The following EYS variants were observed in gnomAD, a reference collection of about 807,000 sequenced individuals.
EYS encodes the protein EGF-like photoreceptor maintenance factor.
A neutral mutation model predicts 282.1 loss-of-function variants in EYS; 250 were observed. The ratio of observed to expected loss-of-function variants is 0.89; its 90% confidence interval spans 0.80 to 0.98. The LOEUF is 0.98. Among genes scored for constraint, EYS ranks in the 50% least tolerant of loss-of-function variants. EYS has a pLI of 0.00. For missense variants in EYS, 4,016 were observed against 3,709.0 expected, an observed-to-expected ratio of 1.08 and a Z score of -2.15; for synonymous variants, 1,355 against 1,282.9, an observed-to-expected ratio of 1.06 and a Z score of -1.20.
intron 13 of EYS, among the ~76,000 whole-genome samples, chr6:65,027,018 G>A (rs1402308655): frequency 1.5e-5 from 2 of 132,612 alleles, no homozygotes; most frequent in East Asian, 4.5e-4. Flanking sequence ...TATTTGTAAT[G>A]TGTGTTTTTT....
intron 31 of EYS, among the ~76,000 whole-genome samples, chr6:64,172,979 G>A (rs1764527242): frequency 6.6e-6 from 1 of 152,048 alleles, no homozygotes; most frequent in African/African-American, 2.4e-5. Flanking sequence ...AAAAAGTTTG[G>A]GATCGCTGCT....
chr6:65,481,541 GTTGTTTGTT>G (rs1235605104), intron 5 of EYS, among the ~76,000 whole-genome samples: 3 of 151,962 alleles, frequency 2.0e-5, no homozygotes, highest in South Asian at 4.2e-4. Context: ...TTTTTTGTTT[GTTGTTTGTT>G]TTGTTTGTTT....
intron 2 of EYS, among the ~76,000 whole-genome samples, chr6:65,536,765 C>T (rs1331559609): frequency 6.6e-6 from 1 of 152,050 alleles, no homozygotes; most frequent in African/African-American, 2.4e-5. Flanking sequence ...AAAGCATGCA[C>T]AACCCTTTGG....
rs550030878 is a variant in EYS at position 63,950,636 on chromosome 6, C to T, written c.7055+33747G>A. ...GATCAGGGGACCTCCCTTGGGAGAT[C>T]AATCCCCTGTCCTCCTGCTCTTTGC... On this transcript the variant is annotated intron_variant, in intron 35 of 42. Coordinates refer to ENST00000503581, the MANE Select transcript of EYS (RefSeq NM_001142800.2). 1.4e-4 allele frequency among the ~76,000 whole-genome samples: 21 copies of T among 152,278 alleles called. No individual in the cohort carries two copies. The South Asian group carries it at 3.9e-3, about 29-fold the overall frequency.
intron 22 of EYS, among the ~76,000 whole-genome samples, chr6:64,716,768 T>C (rs1032414903): frequency 6.6e-6 from 1 of 152,100 alleles, no homozygotes; most frequent in African/African-American, 2.4e-5. Context: ...ACGTTGATAT[T>C]TTTTTTTCTT....
At chr6:64,365,474 G>T (rs1772154902) in intron 29 of EYS, among the ~76,000 whole-genome samples, 1 of 151,808 alleles carries the variant, frequency 6.6e-6, no homozygotes, top group South Asian at 2.1e-4. Flanking sequence ...GGAAAATCAG[G>T]CCACTTTTAT....
At chr6:63,806,144 T>C (rs1293476270) in intron 37 of EYS, 46 bp downstream of exon 37, 2 of 1,472,232 alleles carry the variant, frequency 1.4e-6, no homozygotes, top group Non-Finnish European at 1.8e-6. Context: ...CTCTAAAGTA[T>C]TCTTAAAGGA....
intron 12 of EYS, among the ~76,000 whole-genome samples, chr6:65,134,000 T>C (rs1397095003): frequency 6.6e-6 from 1 of 151,952 alleles, no homozygotes; most frequent in Non-Finnish European, 1.5e-5. Context: ...CCAACAGGCA[T>C]ATAAAAAAAT....
chr6:65,502,384 C>T lies in EYS; in HGVS notation c.-332-6391G>A, dbSNP rs1294284437. Among the ~76,000 whole-genome samples, 6 of 151,518 alleles carry T rather than the reference C, an allele frequency of 4.0e-5. No individual in the cohort carries two copies. In the East Asian group the frequency reaches 1.2e-3, roughly 29 times the overall value. On this transcript the variant is annotated intron_variant, in intron 2 of 42. Coordinates refer to ENST00000503581, the MANE Select transcript of EYS (RefSeq NM_001142800.2). ...CTTTATTATATTAACTTTTTAAATACATATTTTGTTAAAAAAATTTAGTAG... is the reference window on the plus strand; with the variant it reads ...CTTTATTATATTAACTTTTTAAATATATATTTTGTTAAAAAAATTTAGTAG...
intron 31 of EYS, among the ~76,000 whole-genome samples, chr6:64,182,993 T>C (rs1013936404): frequency 6.6e-6 from 1 of 152,042 alleles, no homozygotes; most frequent in Non-Finnish European, 1.5e-5. Flanking sequence ...GTTCCCATAA[T>C]CCCAACATGT....
intron 8 of EYS, among the ~76,000 whole-genome samples, chr6:65,368,870 G>A (rs1004137412): frequency 1.3e-5 from 2 of 151,500 alleles, no homozygotes; most frequent in African/African-American, 4.8e-5. Context: ...ATATGTCCAC[G>A]AAAGAGAGAG....
intron 2 of EYS, among the ~76,000 whole-genome samples, chr6:65,520,262 C>T (rs1767316267): frequency 6.6e-6 from 1 of 152,010 alleles, no homozygotes; most frequent in African/African-American, 2.4e-5. Flanking sequence ...AGATAAGATA[C>T]AGAAATAATT....
intron 41 of EYS, among the ~76,000 whole-genome samples, chr6:63,760,146 C>T (rs1345464225): frequency 3.3e-5 from 5 of 151,982 alleles, no homozygotes; most frequent in Non-Finnish European, 7.4e-5. Context: ...AAAAAACTCA[C>T]ACATTATGGA....
At chr6:64,393,039 G>C (rs1392970226) in intron 28 of EYS, among the ~76,000 whole-genome samples, 8 of 152,150 alleles carry the variant, frequency 5.3e-5, no homozygotes, top group Admixed American at 5.2e-4. Context: ...AGAAGAAATG[G>C]ATAAATTCCT....
chr6:63,786,691 AAAGTT>A (rs1457369836), intron 39 of EYS, among the ~76,000 whole-genome samples: 2 of 151,152 alleles, frequency 1.3e-5, no homozygotes, highest in Non-Finnish European at 2.9e-5. Context: ...CCTAGAACTT[AAAGTT>A]AAAAAAAAAA....
At chr6:65,118,580 C>G (rs768504144) in intron 12 of EYS, among the ~76,000 whole-genome samples, 3 of 152,144 alleles carry the variant, frequency 2.0e-5, no homozygotes, top group Non-Finnish European at 4.4e-5. Flanking sequence ...TCTCCATGCC[C>G]TATAGCTCTG....
At chr6:65,034,149 T>A (rs1772694240) in intron 13 of EYS, among the ~76,000 whole-genome samples, 1 of 152,178 alleles carries the variant, frequency 6.6e-6, no homozygotes, top group Non-Finnish European at 1.5e-5. Flanking sequence ...GGAACAGCAA[T>A]GTTTACCCAA....
intron 11 of EYS, among the ~76,000 whole-genome samples, chr6:65,307,070 C>A (rs143907764): frequency 0.021 from 2,401 of 114,336 alleles, no homozygotes; most frequent in Middle Eastern, 0.033. Context: ...CAGGGTGGTC[C>A]GCAATGCCTC....
intron 12 of EYS, among the ~76,000 whole-genome samples, chr6:65,264,817 C>T (rs752208905): frequency 1.3e-5 from 2 of 151,510 alleles, no homozygotes; most frequent in Non-Finnish European, 2.9e-5. Flanking sequence ...AAAATATTCT[C>T]ACAACATTCT....
Sources: gnomAD v4.1 joint callset for allele counts (sites outside exome capture counted in the v4.1 genomes callset) on GRCh38, gnomAD v4.1.1 for gene constraint, MANE v1.5 for transcripts, NCBI Gene and HGNC (gene_info 2026-07-23, HGNC 2026-07-21) for gene names.